The following KCNK9 variants were observed in gnomAD, a reference collection of about 807,000 sequenced individuals.
KCNK9 encodes the protein potassium two pore domain channel subfamily K member 9.
KCNK9 carries 1 observed loss-of-function variant against 10.8 expected under a neutral mutation model. That is an observed-to-expected ratio of 0.09 (90% confidence interval 0.03 to 0.44). KCNK9 has a LOEUF of 0.44. KCNK9 is among the 20% of genes least tolerant of loss of function. The pLI is 0.97. For synonymous variants in KCNK9, 231 were observed against 222.7 expected, an observed-to-expected ratio of 1.04 and a Z score of -0.33; for missense variants, 303 against 515.0, an observed-to-expected ratio of 0.59 and a Z score of 3.98.
intron 1 of KCNK9, among the ~76,000 whole-genome samples, chr8:139,670,597 ACATC>A (rs975890756): frequency 2.1e-4 from 32 of 152,286 alleles, no homozygotes; most frequent in East Asian, 5.8e-4. Context: ...AGGGACTTGA[ACATC>A]CATCAATTTG....
chr8:139,682,153 T>C (rs1206642994), intron 1 of KCNK9, among the ~76,000 whole-genome samples: 8 of 152,232 alleles, frequency 5.3e-5, no homozygotes, highest in Non-Finnish European at 7.3e-5. Context: ...CCATTCAGAT[T>C]CGTGGGCTGC....
intron 1 of KCNK9, among the ~76,000 whole-genome samples, chr8:139,677,861 G>C (rs76152350): frequency 3.2e-4 from 13 of 40,646 alleles, no homozygotes; most frequent in African/African-American, 5.1e-4. Flanking sequence ...CCCAGCCCAA[G>C]GGGTCCCCAT....
At chr8:139,686,161 T>C (rs557752289) in intron 1 of KCNK9, among the ~76,000 whole-genome samples, 2 of 152,278 alleles carry the variant, frequency 1.3e-5, no homozygotes, top group South Asian at 4.1e-4. Flanking sequence ...ATAAAAACCC[T>C]AGAAGAAAAC....
At chr8:139,666,313 C>T (rs780407515) in intron 1 of KCNK9, among the ~76,000 whole-genome samples, 107 of 152,198 alleles carry the variant, frequency 7.0e-4, no homozygotes, top group Non-Finnish European at 1.3e-3. Context: ...GTGGGTAAGA[C>T]AATATGCAAT....
intron 1 of KCNK9, among the ~76,000 whole-genome samples, chr8:139,684,216 A>G (rs997581591): frequency 1.3e-5 from 2 of 152,290 alleles, no homozygotes; most frequent in Admixed American, 1.3e-4. Flanking sequence ...TGTTCCTCAC[A>G]CTAACACAAC....
At chr8:139,636,431 A>T (rs1815341606) in intron 1 of KCNK9, among the ~76,000 whole-genome samples, 2 of 152,024 alleles carry the variant, frequency 1.3e-5, no homozygotes, top group Admixed American at 1.3e-4. Flanking sequence ...GGATAGAGTC[A>T]CTCCTTAAGC....
chr8:139,613,548 T>C (rs1310537926), downstream of KCNK9, among the ~76,000 whole-genome samples: 1 of 152,218 alleles, frequency 6.6e-6, no homozygotes, highest in Non-Finnish European at 1.5e-5. Context: ...GGCTTTCTTC[T>C]GGGTGGCTCA....
At chr8:139,689,256 C>A (rs1816884648) in intron 1 of KCNK9, among the ~76,000 whole-genome samples, 1 of 152,230 alleles carries the variant, frequency 6.6e-6, no homozygotes, top group African/African-American at 2.4e-5. Context: ...GCAGCCCCAG[C>A]AAACTGAAAC....
At chr8:139,611,729 C>A (rs1055769890), downstream of KCNK9, 3 of 152,298 alleles carry the variant, frequency 2.0e-5, no homozygotes, top group Non-Finnish European at 4.4e-5. Context: ...GCACACTCCA[C>A]CCTGCCAGGC....
intron 1 of KCNK9, among the ~76,000 whole-genome samples, chr8:139,670,216 T>A (rs1199774637): frequency 6.6e-6 from 1 of 152,168 alleles, no homozygotes. Context: ...CAGATGTGGT[T>A]CCTGGTGCCC....
chr8:139,640,172 C>T (rs1294594443), intron 1 of KCNK9, among the ~76,000 whole-genome samples: 1 of 152,246 alleles, frequency 6.6e-6, no homozygotes, highest in Non-Finnish European at 1.5e-5. Flanking sequence ...GTCTCTACCC[C>T]AGGCACCATG....
intron 1 of KCNK9, among the ~76,000 whole-genome samples, chr8:139,676,324 G>A (rs1816549137): frequency 1.3e-5 from 2 of 152,224 alleles, no homozygotes; most frequent in African/African-American, 4.8e-5. Context: ...TTGGTCTTCT[G>A]GGCCATCATT....
At chr8:139,646,941 C>A (rs1234908090) in intron 1 of KCNK9, among the ~76,000 whole-genome samples, 3 of 152,264 alleles carry the variant, frequency 2.0e-5, no homozygotes, top group Non-Finnish European at 2.9e-5. Context: ...CCCTGGCTCC[C>A]TGTCCTAACA....
chr8:139,663,415 C>T (rs1380082721), intron 1 of KCNK9, among the ~76,000 whole-genome samples: 1 of 152,084 alleles, frequency 6.6e-6, no homozygotes, highest in East Asian at 1.9e-4. Context: ...CTCCTCTGGG[C>T]CCCATCTAGA....
intron 1 of KCNK9, among the ~76,000 whole-genome samples, chr8:139,697,426 T>G (rs2129812837): frequency 6.6e-6 from 1 of 151,028 alleles, no homozygotes; most frequent in South Asian, 2.1e-4. Context: ...GATAGACAGA[T>G]GGATGGATGT....
intron 1 of KCNK9, among the ~76,000 whole-genome samples, chr8:139,627,431 C>T (rs996502230): frequency 2.0e-5 from 3 of 152,186 alleles, no homozygotes; most frequent in East Asian, 1.9e-4. Flanking sequence ...TCAAAGGCTT[C>T]GGCTTTTTCC....
At position 139,638,483 on chromosome 8, in the gene KCNK9, T is replaced by G. The variant is rs369496861; in HGVS notation, c.284-19384A>C. ...GTCTGGCCATGATTAGGCCATGCCT[T>G]CACTGTTCAACACCTTCCATGGTTG... On this transcript the variant is annotated intron_variant, in intron 1 of 1. Coordinates refer to ENST00000520439, the MANE Select transcript of KCNK9 (RefSeq NM_001282534.2). 1.4e-3 allele frequency among the ~76,000 whole-genome samples: 211 copies of G among 152,302 alleles called. 1 individual carries two copies. The highest frequency in any genetic ancestry group is 4.9e-3 in the African/African-American group (204 of 41,582).
intron 1 of KCNK9, among the ~76,000 whole-genome samples, chr8:139,623,012 G>T (rs1393585778): frequency 6.6e-6 from 1 of 152,220 alleles, no homozygotes; most frequent in African/African-American, 2.4e-5. Flanking sequence ...TCTATGCAGT[G>T]TGTGCGCCTG....
intron 1 of KCNK9, among the ~76,000 whole-genome samples, chr8:139,653,498 G>A (rs965840675): frequency 6.6e-6 from 1 of 151,330 alleles, no homozygotes; most frequent in Non-Finnish European, 1.5e-5. Context: ...CCCCAACAGA[G>A]ACCTCCCCCA....
Sources: gnomAD v4.1 joint callset for allele counts (sites outside exome capture counted in the v4.1 genomes callset) on GRCh38, gnomAD v4.1.1 for gene constraint, MANE v1.5 for transcripts, NCBI Gene and HGNC (gene_info 2026-07-23, HGNC 2026-07-21) for gene names.